The following HNRNPUL1 variants were observed in gnomAD, a reference collection of about 807,000 sequenced individuals.
HNRNPUL1 encodes heterogeneous nuclear ribonucleoprotein U-like protein 1.
HNRNPUL1 carries 14 observed loss-of-function variants against 108.5 expected under a neutral mutation model. That is an observed-to-expected ratio of 0.13 (90% CI 0.09 to 0.20). The LOEUF (loss-of-function observed/expected upper bound fraction) is 0.20. Ranked by LOEUF, HNRNPUL1 falls within the 10% of genes least tolerant of loss-of-function variation. The pLI is 1.00. For synonymous variants in HNRNPUL1, 422 were observed against 445.2 expected (o/e 0.95, Z 0.66); for missense variants, 804 against 1,168.3 (o/e 0.69, Z 4.55).
At chr19:41,278,442 T>C (rs1484394911) in intron 5 of HNRNPUL1, 2 of 147,634 alleles carry the variant, frequency 1.4e-5, no homozygotes, top group South Asian at 2.1e-4. Flanking sequence ...TTTTTTCTGA[T>C]GTTAAAATAT....
intron 1 of HNRNPUL1, chr19:41,265,124 T>A (rs2034740495): frequency 1.4e-6 from 2 of 1,417,076 alleles, no homozygotes; most frequent in Admixed American, 3.0e-5. Context: ...AACAAGAGGT[T>A]TTCCGTTTGG....
chr19:41,269,442 T>C (rs896838436), intron 2 of HNRNPUL1, among the ~76,000 whole-genome samples: 6 of 117,264 alleles, frequency 5.1e-5, no homozygotes, highest in African/African-American at 6.9e-5. Flanking sequence ...ATTACACTAC[T>C]ACACTCCAGC....
In HNRNPUL1 at chr19:41,266,001, G is replaced by A. The variant is rs374520118; in HGVS notation, c.295+1203G>A. Among the ~76,000 whole-genome samples, 169 of 152,254 alleles carry A rather than the reference G, an allele frequency of 1.1e-3. 1 individual carries two copies. The highest frequency in any genetic ancestry group is 1.8e-3 in the Non-Finnish European group (124 of 68,022). ...AGAAGCAGTTATTTGTGTACCCAGG[G>A]AGTGGGGGCCCTCGGGGAGCAGCAC... On this transcript the variant is annotated intron_variant, in intron 1 of 14. Transcript: ENST00000392006.
chr19:41,296,527 A>C (rs977302351), intron 10 of HNRNPUL1, among the ~76,000 whole-genome samples: 5 of 152,248 alleles, frequency 3.3e-5, no homozygotes, highest in Admixed American at 1.3e-4. Flanking sequence ...GCCTGAAGCC[A>C]TAGGCTACTC....
At position 41,292,967 on chromosome 19, in the gene HNRNPUL1, C is replaced by T. The variant is rs1222010826; in HGVS notation, c.1266+456C>T. Among the ~76,000 whole-genome samples the T allele has an allele frequency of 6.6e-6, 1 of 152,032 alleles. No homozygotes were observed. Among genetic ancestry groups the T allele is most frequent in the Admixed American group, 6.6e-5 (1 of 15,260 alleles). ...TCAAGTGATCCTCCCACCTCAGCTT[C>T]TCGAGTAGCTGGGACCACAGGTACA... On this transcript the variant is annotated intron_variant, in intron 8 of 14. Coordinates refer to ENST00000392006, the MANE Select transcript of HNRNPUL1 (RefSeq NM_007040.6). The surrounding 1 kb of genome is among the most constrained non-coding windows in gnomAD (Gnocchi z 4.1).
rs773150158 is a variant in HNRNPUL1, at chr19:41,302,849, T to TGGC, written c.1873_1875dup (p.Gly625dup). On this transcript the variant is annotated inframe_insertion, in exon 12 of 15. Coordinates refer to ENST00000392006, the MANE Select transcript of HNRNPUL1 (RefSeq NM_007040.6). Reference sequence around the variant, plus strand: ...GCTTCCGGGGCCGCGGGGGTGGTGGTGGCTTCCAGCGCTATGAAAACCGAG... The same window carrying TGGC: ...GCTTCCGGGGCCGCGGGGGTGGTGGTGGCGGCTTCCAGCGCTATGAAAACCGAG... The TGGC allele has an allele frequency of 3.1e-6, 5 of 1,588,324 alleles. No individual in the cohort carries two copies. The highest frequency in any genetic ancestry group is 2.7e-5 in the African/African-American group (2 of 74,222).
intron 2 of HNRNPUL1, among the ~76,000 whole-genome samples, chr19:41,268,909 C>G (rs2035032327): frequency 6.6e-6 from 1 of 151,990 alleles, no homozygotes; most frequent in Admixed American, 6.6e-5. Context: ...GTTGAGACCC[C>G]TAGACTAATA....
At chr19:41,265,266 G>C in intron 1 of HNRNPUL1, 2 of 1,530,562 alleles carry the variant, frequency 1.3e-6, no homozygotes, top group Admixed American at 2.0e-5. Context: ...GTCCAGGTGT[G>C]CGGGGCTGCG....
intron 1 of HNRNPUL1, 51 bp from the exon 2 acceptor site, chr19:41,268,172 G>T: frequency 6.3e-7 from 1 of 1,598,472 alleles, no homozygotes; most frequent in South Asian, 1.1e-5. Context: ...TTTGGTCCAG[G>T]GTTCTTCATG....
chr19:41,304,336 G>A (rs1275292147), intron 13 of HNRNPUL1, 75 bp downstream of exon 13: 45 of 1,524,174 alleles, frequency 3.0e-5, no homozygotes, highest in South Asian at 1.0e-4. Flanking sequence ...AGGTGGAGGC[G>A]GATCTGGGGA....
chr19:41,290,220 A>G (rs930047172), intron 7 of HNRNPUL1, among the ~76,000 whole-genome samples: 6 of 152,140 alleles, frequency 3.9e-5, no homozygotes, highest in Non-Finnish European at 8.8e-5. Context: ...CGAACCGTGT[A>G]TTTTGCTTCA....
At chr19:41,264,274 G>A (rs1043507361), upstream of HNRNPUL1, 8 of 395,706 alleles carry the variant, frequency 2.0e-5, no homozygotes, top group East Asian at 1.5e-4. Flanking sequence ...GATTGGCTAG[G>A]TTTCCGGGCC....
In HNRNPUL1 at chr19:41,292,024, C is replaced by T. The variant is rs2036612823; in HGVS notation, c.1000-221C>T. On this transcript the variant is annotated intron_variant, in intron 7 of 14. Transcript: ENST00000392006. This position sits in a 1 kb window ranked among gnomAD's most constrained non-coding sequence, Gnocchi z 4.1. ...AAAAAAAACTCTTGCTTACTTGCTT[C>T]ATATCCACCAACTTTGGGGTCTTAG... is the stretch of plus-strand genomic sequence containing the variant. The T allele has an allele frequency of 2.0e-6, 1 of 505,030 alleles. No individual in the cohort carries two copies. Among genetic ancestry groups the T allele is most frequent in the Non-Finnish European group, 3.5e-6 (1 of 282,540 alleles). The allele number at this position is 505,030 out of a possible 1,614,324, so 31.3% of individuals were successfully genotyped here.
At chr19:41,284,995 CAAAAAAAAAAA>C (rs773865440) in intron 7 of HNRNPUL1, among the ~76,000 whole-genome samples, 5 of 61,448 alleles carry the variant, frequency 8.1e-5, no homozygotes, top group Admixed American at 5.4e-4. Flanking sequence ...GACTCTGTCT[CAAAAAAAAAAA>C]AAAAAAAGGG....
chr19:41,271,838 G>T (rs1300927905), intron 2 of HNRNPUL1, among the ~76,000 whole-genome samples: 1 of 152,156 alleles, frequency 6.6e-6, no homozygotes, highest in East Asian at 1.9e-4. Flanking sequence ...AGGCAGAGAG[G>T]TTCTTTGGGA....
At chr19:41,270,806 A>T (rs2035187116) in intron 2 of HNRNPUL1, among the ~76,000 whole-genome samples, 2 of 152,048 alleles carry the variant, frequency 1.3e-5, no homozygotes, top group Admixed American at 1.3e-4. Context: ...CATGTTGGCC[A>T]GGATGGTCTC....
In HNRNPUL1 at chr19:41,269,260, G is replaced by A. The variant is rs151272151; in HGVS notation, c.418+915G>A. On this transcript the variant is annotated intron_variant, in intron 2 of 14. Coordinates refer to ENST00000392006, the MANE Select transcript of HNRNPUL1 (RefSeq NM_007040.6). ...GTAGTAGGATCATTTGAGACCAGGA[G>A]TTCCAGACCAGACTGGGCAACATAG... is the stretch of plus-strand genomic sequence containing the variant. Among the ~76,000 whole-genome samples the A allele has an allele frequency of 2.0e-3, 299 of 152,066 alleles. 1 individual carries two copies. Among genetic ancestry groups the A allele is most frequent in the African/African-American group, 7.0e-3 (289 of 41,484 alleles).
intron 1 of HNRNPUL1, among the ~76,000 whole-genome samples, chr19:41,265,620 T>C (rs1345868137): frequency 6.6e-6 from 1 of 152,034 alleles, no homozygotes; most frequent in Non-Finnish European, 1.5e-5. Flanking sequence ...AGAGGATGCT[T>C]TCCTGGACAA....
intron 1 of HNRNPUL1, 75 bp downstream of exon 1, chr19:41,264,873 AG>A: frequency 7.4e-7 from 1 of 1,343,780 alleles, no homozygotes; most frequent in East Asian, 3.0e-5. Flanking sequence ...GCGGGAGTCC[AG>A]CGCCTGAGGT....
Sources: allele counts gnomAD v4.1 joint callset (sites outside exome capture counted in the v4.1 genomes callset), GRCh38; gene constraint gnomAD v4.1.1; non-coding constraint Gnocchi (gnomAD v3.1); transcripts MANE v1.5; gene names NCBI Gene and HGNC (gene_info 2026-07-23, HGNC 2026-07-21).